The following DLC1 variants were observed in gnomAD, a reference collection of about 807,000 sequenced individuals.
DLC1 encodes rho GTPase-activating protein 7.
A neutral mutation model predicts 140.3 loss-of-function variants in DLC1; 54 were observed. That is an observed-to-expected ratio of 0.38 (90% CI 0.31 to 0.48). DLC1 has a LOEUF of 0.48. Among genes scored for constraint, DLC1 ranks in the 20% least tolerant of loss-of-function variants. DLC1 has a pLI of 0.96. For missense variants in DLC1, 2,536 were observed against 1,907.0 expected (o/e 1.33, Z -6.14); for synonymous variants, 986 against 728.1 (o/e 1.35, Z -5.70).
At chr8:13,488,608 C>G (rs1585192657) in intron 2 of DLC1, among the ~76,000 whole-genome samples, 1 of 152,194 alleles carries the variant, frequency 6.6e-6, no homozygotes, top group Non-Finnish European at 1.5e-5. Flanking sequence ...AGCCCAGACA[C>G]CAGCTGAGCG....
intron 1 of DLC1, among the ~76,000 whole-genome samples, chr8:13,547,064 G>A (rs1488775990): frequency 1.3e-5 from 2 of 151,978 alleles, no homozygotes; most frequent in Admixed American, 6.6e-5. Flanking sequence ...TTTATTGCAT[G>A]CGACTGCTTG....
At chr8:13,115,532 C>T (rs764501509) in intron 6 of DLC1, 54 bp downstream of exon 6, 10 of 1,500,504 alleles carry the variant, frequency 6.7e-6, no homozygotes, top group South Asian at 3.5e-5. Flanking sequence ...GTAATACTCG[C>T]GAACAAGGGA....
chr8:13,353,928 T>G (rs1169982836), intron 4 of DLC1, among the ~76,000 whole-genome samples: 1 of 152,170 alleles, frequency 6.6e-6, no homozygotes, highest in Non-Finnish European at 1.5e-5. Flanking sequence ...GGCATAGTTC[T>G]TGATTTATTC....
intron 1 of DLC1, among the ~76,000 whole-genome samples, chr8:13,522,824 G>T (rs1802804943): frequency 6.6e-6 from 1 of 151,936 alleles, no homozygotes; most frequent in Admixed American, 6.6e-5. Flanking sequence ...CACTGCAAAG[G>T]TGGCTTATCA....
At chr8:13,170,018 CA>C (rs896717031) in intron 5 of DLC1, among the ~76,000 whole-genome samples, 1 of 151,112 alleles carries the variant, frequency 6.6e-6, no homozygotes. Flanking sequence ...GACCTTGTCT[CA>C]AAAAAATAAA....
Position 13,084,349 on chromosome 8 carries a change from T to C in DLC1, c.*1462A>G, listed in dbSNP as rs189804160. ...AGAACCTTTGAAATAACACTGAAAA[T>C]GGTAACTAAATTATAACAAAATAAA... On this transcript the variant is annotated 3_prime_UTR_variant, in exon 18 of 18. Coordinates refer to ENST00000276297, the MANE Select transcript of DLC1 (RefSeq NM_182643.3). 5.8e-4 allele frequency: 88 copies of C among 152,610 alleles called. No individual in the cohort carries two copies. Among genetic ancestry groups the C allele is most frequent in the Non-Finnish European group, 6.3e-4 (43 of 68,006 alleles). 9.5% of individuals were successfully genotyped at this position (152,610 alleles called of 1,614,324 possible). A position where few individuals can be genotyped will look rare whatever the true frequency, so the allele number is the denominator to read the frequency against.
intron 2 of DLC1, among the ~76,000 whole-genome samples, chr8:13,475,704 A>T (rs576832955): frequency 7.2e-5 from 11 of 152,194 alleles, no homozygotes; most frequent in Non-Finnish European, 1.2e-4. Flanking sequence ...TGAGGCTGGT[A>T]CTCAAATCCC....
chr8:13,537,099 T>G (rs562789801), intron 1 of DLC1, among the ~76,000 whole-genome samples: 15 of 150,418 alleles, frequency 1.0e-4, no homozygotes, highest in Middle Eastern at 3.5e-3. Context: ...ACATTAAATA[T>G]GTAGCAAAAA....
intron 5 of DLC1, among the ~76,000 whole-genome samples, chr8:13,162,959 A>C (rs1382737555): frequency 6.6e-6 from 1 of 152,182 alleles, no homozygotes; most frequent in African/African-American, 2.4e-5. Flanking sequence ...GGATTCTTAC[A>C]TACTTATCAA....
rs554714426 is a variant in DLC1 at position 13,473,969 on chromosome 8, G to A, written c.1023+25080C>T. On this transcript the variant is annotated intron_variant, in intron 2 of 17. Transcript: ENST00000276297. ...GATAGAAAAGAAAATCCCATTTTCC[G>A]AGGAGAAATTCAAGCCAGCTGCAGA... Among the ~76,000 whole-genome samples the A allele has an allele frequency of 2.6e-5, 4 of 152,300 alleles. No homozygotes were observed. In the South Asian group the frequency reaches 8.3e-4, roughly 32 times the overall value.
At position 13,314,997 on chromosome 8, in the gene DLC1, G is replaced by A. The variant is rs1040022177; in HGVS notation, c.1315-9695C>T. On this transcript the variant is annotated intron_variant, in intron 4 of 17. Transcript: ENST00000276297. Reference sequence around the variant, plus strand: ...AATATAGGTTTTATTTTGGCTGAAAGTAAAGGTATTCTAATGTTCTGCAAC... The same window carrying A: ...AATATAGGTTTTATTTTGGCTGAAAATAAAGGTATTCTAATGTTCTGCAAC... Among the ~76,000 whole-genome samples the A allele has an allele frequency of 9.9e-5, 15 of 152,194 alleles. 1 individual carries two copies.
chr8:13,100,327 C>T lies in DLC1; in HGVS notation c.2010G>A (p.Arg670=). The change falls in exon 9 of 18, where the codon CGG becomes CGA. Residue 670 remains arginine (R), a synonymous_variant. Transcript: ENST00000276297. Reference sequence around the variant, plus strand: ...AGCTCTTGAGCTTCAGGCTCTCCATCCGTTTCAGCAGACTGCGCGTCTTGG... The same window carrying T: ...AGCTCTTGAGCTTCAGGCTCTCCATTCGTTTCAGCAGACTGCGCGTCTTGG... ...AKSKTRSLLK[R]MESLKLKSSH... is the part of the protein sequence containing the mutation. 1.2e-6 allele frequency: 2 copies of T among 1,614,202 alleles called. No individual in the cohort carries two copies. The highest frequency in any genetic ancestry group is 1.7e-6 in the Non-Finnish European group (2 of 1,180,046).
intron 4 of DLC1, among the ~76,000 whole-genome samples, chr8:13,324,572 C>CAAAAAAAAA: frequency 9.1e-6 from 1 of 110,258 alleles, no homozygotes; most frequent in Non-Finnish European, 1.7e-5. Context: ...GACTCCGTCT[C>CAAAAAAAAA]AAAAAAAAAA....
intron 4 of DLC1, among the ~76,000 whole-genome samples, chr8:13,343,390 T>C (rs1311892558): frequency 2.0e-5 from 3 of 152,182 alleles, no homozygotes; most frequent in African/African-American, 7.2e-5. Context: ...GTGTCCTCAA[T>C]CAGTTATGAT....
At chr8:13,600,085 G>C (rs995632400) in intron 1 of DLC1, among the ~76,000 whole-genome samples, 12 of 151,988 alleles carry the variant, frequency 7.9e-5, no homozygotes, top group Middle Eastern at 3.4e-3. Flanking sequence ...TGTGTCATTA[G>C]AAAGCAATAG....
intron 2 of DLC1, among the ~76,000 whole-genome samples, chr8:13,458,532 A>G (rs1421976754): frequency 6.6e-6 from 1 of 152,310 alleles, no homozygotes; most frequent in East Asian, 1.9e-4. Context: ...TTGGCATTTG[A>G]AAAAACTCCA....
intron 4 of DLC1, among the ~76,000 whole-genome samples, chr8:13,360,362 A>G (rs1256083952): frequency 6.6e-6 from 1 of 152,224 alleles, no homozygotes; most frequent in Non-Finnish European, 1.5e-5. Context: ...GAAATGTATT[A>G]GGGAGCATAT....
At chr8:13,495,789 A>G (rs1801473467) in intron 2 of DLC1, among the ~76,000 whole-genome samples, 1 of 152,198 alleles carries the variant, frequency 6.6e-6, no homozygotes, top group African/African-American at 2.4e-5. Flanking sequence ...AAGGAAGGAT[A>G]ATTTTTATTA....
chr8:13,331,325 T>C (rs1285299809), intron 4 of DLC1, among the ~76,000 whole-genome samples: 1 of 152,212 alleles, frequency 6.6e-6, no homozygotes, highest in Non-Finnish European at 1.5e-5. Flanking sequence ...GGATTCTTTT[T>C]TGCTCAGAGA....
Sources: allele counts gnomAD v4.1 joint callset (sites outside exome capture counted in the v4.1 genomes callset), GRCh38; gene constraint gnomAD v4.1.1; transcripts MANE v1.5; gene names NCBI Gene and HGNC (gene_info 2026-07-23, HGNC 2026-07-21).